The following AEBP2 variants were observed in gnomAD, a reference collection of about 807,000 sequenced individuals.
AEBP2 encodes the protein AE binding protein 2.
AEBP2 carries 10 observed loss-of-function variants against 50.8 expected under a neutral mutation model. The observed-to-expected ratio is 0.20, with a 90% CI of 0.12 to 0.33. The LOEUF (loss-of-function observed/expected upper bound fraction) is 0.33, where lower values mean the gene tolerates loss of function less well. Among genes scored for constraint, AEBP2 ranks in the 10% least tolerant of loss-of-function variants. AEBP2 has a pLI of 1.00. For missense variants in AEBP2, 570 were observed against 688.0 expected (o/e 0.83, Z 1.92); for synonymous variants, 296 against 261.3 (o/e 1.13, Z -1.28).
intron 1 of AEBP2, among the ~76,000 whole-genome samples, chr12:19,425,298 T>C (rs931003349): frequency 2.6e-5 from 4 of 152,244 alleles, no homozygotes; most frequent in African/African-American, 9.6e-5. Context: ...CTACTGTTAA[T>C]ACCTCTATAA....
chr12:19,406,328 T>C (rs2095736265), intron 1 of AEBP2, among the ~76,000 whole-genome samples: 1 of 152,176 alleles, frequency 6.6e-6, no homozygotes, highest in Non-Finnish European at 1.5e-5. Context: ...CTTGGCATCA[T>C]ACATTCTGTG....
At chr12:19,438,486 A>C (rs1947884547), upstream of AEBP2, among the ~76,000 whole-genome samples, 1 of 152,186 alleles carries the variant, frequency 6.6e-6, no homozygotes, top group Non-Finnish European at 1.5e-5. Context: ...CCATCCACTG[A>C]AGGTCATAAT....
At chr12:19,516,663 C>T (rs938029280) in intron 7 of AEBP2, among the ~76,000 whole-genome samples, 1 of 152,150 alleles carries the variant, frequency 6.6e-6, no homozygotes, top group African/African-American at 2.4e-5. Flanking sequence ...TGATTTTATT[C>T]TTGGAAATGA....
chr12:19,486,435 A>G (rs371153766), intron 3 of AEBP2, among the ~76,000 whole-genome samples: 15 of 152,018 alleles, frequency 9.9e-5, no homozygotes, highest in Admixed American at 1.3e-4. Flanking sequence ...TCTGTCACCA[A>G]TGTTGGAGTA....
intron 3 of AEBP2, among the ~76,000 whole-genome samples, chr12:19,485,549 A>T (rs2120379943): frequency 6.6e-6 from 1 of 152,076 alleles, no homozygotes; most frequent in East Asian, 1.9e-4. Context: ...TGTACAAAAA[A>T]AATACAAAAA....
At chr12:19,440,804 G>T (rs1375948855) in intron 1 of AEBP2, 11 of 1,517,660 alleles carry the variant, frequency 7.2e-6, no homozygotes, top group Admixed American at 3.9e-5. Flanking sequence ...GGCTGGTCTC[G>T]CCTGGATTTA....
intron 3 of AEBP2, among the ~76,000 whole-genome samples, chr12:19,488,700 G>A (rs1164703016): frequency 6.6e-6 from 1 of 152,104 alleles, no homozygotes; most frequent in Non-Finnish European, 1.5e-5. Context: ...GACAGTCTTA[G>A]TATTGCTTCG....
At position 19,440,194 on chromosome 12, in the gene AEBP2, G is replaced by A; in HGVS notation, c.495G>A (p.Arg165=). ...KEGLEEPKGP[R]GSQGGGGGGS... is the part of the protein sequence containing the mutation. ...GCCTGGAGGAGCCCAAGGGACCGCG[G>A]GGCAGCCAGGGCGGCGGCGGGGGCG... The change falls in exon 1 of 8, where the codon CGG becomes CGA. Residue 165 remains arginine (R), a synonymous_variant. Transcript: ENST00000266508. The A allele has an allele frequency of 6.9e-7, 1 of 1,453,018 alleles. No homozygotes were observed. The highest frequency in any genetic ancestry group is 9.0e-7 in the Non-Finnish European group (1 of 1,115,262). 90.0% of individuals were successfully genotyped at this position (1,453,018 alleles called of 1,614,324 possible).
intron 1 of AEBP2, among the ~76,000 whole-genome samples, chr12:19,426,124 C>T (rs11615283): frequency 0.071 from 10,821 of 152,044 alleles, 452 homozygotes; most frequent in South Asian, 0.18. Flanking sequence ...TTTGTAGAAA[C>T]GGGGTTTCAC....
intron 1 of AEBP2, among the ~76,000 whole-genome samples, chr12:19,421,387 T>C (rs1439624861): frequency 1.5e-5 from 2 of 137,848 alleles, no homozygotes; most frequent in Non-Finnish European, 1.6e-5. Context: ...AAAAAAAGAA[T>C]GGCATGAGAG....
chr12:19,496,329 G>A (rs1162831434), intron 4 of AEBP2, among the ~76,000 whole-genome samples: 1 of 152,090 alleles, frequency 6.6e-6, no homozygotes, highest in African/African-American at 2.4e-5. Context: ...GAGAGGTGGT[G>A]GATGAAAATA....
At chr12:19,430,945 C>T (rs1592709881) in intron 1 of AEBP2, among the ~76,000 whole-genome samples, 1 of 151,294 alleles carries the variant, frequency 6.6e-6, no homozygotes, top group East Asian at 1.9e-4. Flanking sequence ...ATAGCTTGAG[C>T]CCCAGAGGTT....
intron 3 of AEBP2, among the ~76,000 whole-genome samples, chr12:19,491,464 A>ATGCG (rs1203389339): frequency 3.3e-5 from 5 of 152,206 alleles, no homozygotes; most frequent in African/African-American, 1.2e-4. Context: ...CGGAACATAT[A>ATGCG]GAAGCTCTTT....
rs34967305 is a variant in AEBP2 at position 19,514,912 on chromosome 12, C to CTT, written c.1481+139_1481+140dup. 9.5e-5 allele frequency: 52 copies of CTT among 548,934 alleles called. 1 individual carries two copies. Among genetic ancestry groups the CTT allele is most frequent in the African/African-American group, 3.0e-4 (14 of 47,392 alleles). The allele number at this position is 548,934 out of a possible 1,614,324, so 34.0% of individuals were successfully genotyped here. ...CCAAGCATATCTCATTACTTCCTGG[C>CTT]TTTTTTTTTTTTGGATGTGGACTCA... On this transcript the variant is annotated intron_variant, in intron 7 of 7. Transcript: ENST00000266508.
intron 5 of AEBP2, among the ~76,000 whole-genome samples, chr12:19,500,717 C>CTT (rs1283215359): frequency 6.6e-6 from 1 of 152,184 alleles, no homozygotes; most frequent in African/African-American, 2.4e-5. Context: ...GGATTTTAGT[C>CTT]TCTTTTGTTC....
chr12:19,440,501 A>C, intron 1 of AEBP2, 131 bp downstream of exon 1: 1 of 1,392,956 alleles, frequency 7.2e-7, no homozygotes, highest in African/African-American at 1.5e-5. Flanking sequence ...CCAGACTCTC[A>C]ACTCGGAAAT....
At chr12:19,405,504 T>G (rs1332353133) in intron 1 of AEBP2, among the ~76,000 whole-genome samples, 1 of 151,768 alleles carries the variant, frequency 6.6e-6, no homozygotes, top group Non-Finnish European at 1.5e-5. Context: ...TTTTGTATTT[T>G]TAGTACAGAC....
intron 7 of AEBP2, among the ~76,000 whole-genome samples, chr12:19,517,556 T>G (rs547233980): frequency 4.9e-4 from 74 of 152,340 alleles, no homozygotes; most frequent in African/African-American, 1.7e-3. Flanking sequence ...TGTATGTAGG[T>G]TATTTGCAAA....
chr12:19,419,257 C>T (rs2417797), intron 1 of AEBP2: 24,528 of 152,536 alleles, frequency 0.16, 3,493 homozygotes, highest in African/African-American at 0.38. Context: ...CTCCCAGCGC[C>T]GCCGCTTCCA....
Sources: gnomAD v4.1 joint callset for allele counts (sites outside exome capture counted in the v4.1 genomes callset) on GRCh38, gnomAD v4.1.1 for gene constraint, MANE v1.5 for transcripts, NCBI Gene and HGNC (gene_info 2026-07-23, HGNC 2026-07-21) for gene names.